The following PECR variants were observed in gnomAD, a reference collection of about 807,000 sequenced individuals.
The protein encoded by PECR is peroxisomal trans-2-enoyl-CoA reductase, also known as 2,4-dienoyl-CoA reductase-related protein.
Under a neutral mutation model 35.3 loss-of-function variants are expected in PECR, and 30 were observed. The ratio of observed to expected loss-of-function variants is 0.85; its 90% CI spans 0.64 to 1.15. The LOEUF (loss-of-function observed/expected upper bound fraction) is 1.15. PECR is among the 50% of genes most tolerant of loss of function. The pLI is 0.00. For missense variants in PECR, 392 were observed against 370.8 expected (o/e 1.06, Z -0.47); for synonymous variants, 148 against 138.9 (o/e 1.07, Z -0.46).
At chr2:216,035,632 G>A (rs941336410), downstream of PECR, among the ~76,000 whole-genome samples, 1 of 151,912 alleles carries the variant, frequency 6.6e-6, no homozygotes, top group Non-Finnish European at 1.5e-5. Context: ...GACTACAGAC[G>A]CCCGCCACCA....
At chr2:216,067,208 A>T (rs1695483771) in intron 1 of PECR, among the ~76,000 whole-genome samples, 1 of 152,148 alleles carries the variant, frequency 6.6e-6, no homozygotes, top group Non-Finnish European at 1.5e-5. Context: ...GGGAGAAAAG[A>T]TATACAGAGA....
chr2:216,074,044 C>T (rs973857792), intron 1 of PECR, among the ~76,000 whole-genome samples: 1 of 152,226 alleles, frequency 6.6e-6, no homozygotes, highest in African/African-American at 2.4e-5. Context: ...CAGGACAAGC[C>T]ACCACTTCCT....
In PECR at chr2:216,039,265, T is replaced by A. The variant is rs571748899; in HGVS notation, c.*10A>T. The A allele has an allele frequency of 2.0e-6, 3 of 1,511,494 alleles. No homozygotes were observed. The African/African-American group carries it at 4.1e-5, about 21-fold the overall frequency. The allele number at this position is 1,511,494 out of a possible 1,614,324, so 93.6% of individuals were successfully genotyped here. On this transcript the variant is annotated 3_prime_UTR_variant, in exon 8 of 8. Transcript: ENST00000265322. ...GCACTGGGGGATGGAGGACACCTTG[T>A]TTCCTCAGCTCAGAGCTTAGCTTTC... is the stretch of plus-strand genomic sequence containing the variant.
At chr2:216,041,280 C>T (rs963779318) in intron 7 of PECR, among the ~76,000 whole-genome samples, 1 of 152,138 alleles carries the variant, frequency 6.6e-6, no homozygotes, top group East Asian at 1.9e-4. Context: ...ACAGTGCAAC[C>T]TGCGATAAGA....
At chr2:216,075,296 A>C (rs1695676231) in intron 1 of PECR, among the ~76,000 whole-genome samples, 1 of 152,154 alleles carries the variant, frequency 6.6e-6, no homozygotes, top group African/African-American at 2.4e-5. Flanking sequence ...AAGAAAAAAC[A>C]AGATATTTAA....
chr2:216,050,827 G>A (rs372283652), intron 5 of PECR: 4 of 151,536 alleles, frequency 2.6e-5, no homozygotes, highest in African/African-American at 9.7e-5. Context: ...CTTGAACCCA[G>A]GAGGCAGAGG....
At chr2:216,081,531 A>C in intron 1 of PECR, 87 bp downstream of exon 1, 1 of 1,542,912 alleles carries the variant, frequency 6.5e-7, no homozygotes, top group Non-Finnish European at 9.0e-7. Context: ...ACACTCCCTC[A>C]GCCCCGCCGA....
At chr2:216,070,268 TGTATC>T (rs1170583516) in intron 1 of PECR, among the ~76,000 whole-genome samples, 5 of 152,264 alleles carry the variant, frequency 3.3e-5, no homozygotes, top group African/African-American at 9.6e-5. Flanking sequence ...ATCAGGCTAA[TGTATC>T]TATCACCTCT....
Position 216,065,363 on chromosome 2 carries a change from G to A in PECR, c.373C>T (p.His125Tyr). ...GTCAGGTTGGTCTCAAGCACAGCGT[G>A]CCATCCCTTAGAACTGATGTGTTCA... ...PAEHISSKGW[H>Y]AVLETNLTGT... The change falls in exon 3 of 8, where the codon CAC becomes TAC. Residue 125 changes from histidine to tyrosine, a missense_variant. Physicochemically the swap from His to Tyr is moderately conservative, Grantham distance 83. Transcript: ENST00000265322. 1.2e-6 allele frequency: 2 copies of A among 1,611,110 alleles called. No homozygotes were observed. The highest frequency in any genetic ancestry group is 1.7e-6 in the Non-Finnish European group (2 of 1,177,206).
At chr2:216,053,975 G>T (rs564174486) in intron 4 of PECR, among the ~76,000 whole-genome samples, 2 of 152,058 alleles carry the variant, frequency 1.3e-5, no homozygotes, top group African/African-American at 4.8e-5. Flanking sequence ...ATGACCTTTA[G>T]ACTCTTATGA....
At chr2:216,042,511 C>A (rs1054351749) in intron 7 of PECR, among the ~76,000 whole-genome samples, 1 of 152,168 alleles carries the variant, frequency 6.6e-6, no homozygotes, top group Non-Finnish European at 1.5e-5. Context: ...TTATCTTTAA[C>A]AACAGAAATT....
intron 4 of PECR, among the ~76,000 whole-genome samples, chr2:216,056,870 G>C (rs1263026558): frequency 6.6e-6 from 1 of 151,938 alleles, no homozygotes; most frequent in African/African-American, 2.4e-5. Context: ...CTTACTATGA[G>C]TCATGGTCCA....
At position 216,058,182 on chromosome 2, in the gene PECR, T is replaced by A. The variant is rs143835764; in HGVS notation, c.506+713A>T. 5.8e-3 allele frequency among the ~76,000 whole-genome samples: 884 copies of A among 152,234 alleles called. 15 individuals are homozygous for A. The highest frequency in any genetic ancestry group is 0.02 in the African/African-American group (838 of 41,490). ...AGAGTTTCTCTTGCAGCAGATCTGG[T>A]GTGGGGCTGGATAATTTGCTGTGCT... is the stretch of plus-strand genomic sequence containing the variant. On this transcript the variant is annotated intron_variant, in intron 4 of 7. Transcript: ENST00000265322.
In PECR at chr2:216,049,372, C is replaced by A. The variant is rs141598677; in HGVS notation, c.605G>T (p.Gly202Val). The A allele has an allele frequency of 2.2e-6, 3 of 1,366,516 alleles. No homozygotes were observed. Among genetic ancestry groups the A allele is most frequent in the Non-Finnish European group, 3.1e-6 (3 of 954,530 alleles). 84.6% of individuals were successfully genotyped at this position (1,366,516 alleles called of 1,614,324 possible). A position where few individuals can be genotyped will look rare whatever the true frequency, so the allele number is the denominator to read the frequency against. The change falls in exon 6 of 8, where the codon GGA becomes GTA. Residue 202 changes from glycine to valine, a missense_variant and splice_region_variant. Coordinates refer to ENST00000265322, the MANE Select transcript of PECR (RefSeq NM_018441.6). Reference protein sequence around the residue: ...SGIRINCVAPGVIYSQTAVEN... With the variant: ...SGIRINCVAPVVIYSQTAVEN... ...CACAGCAGTCTGGGAATAAATAACT[C>A]CCTGTGTTTAAAAATAAAACAGGGA...
At chr2:216,073,048 C>T (rs1409273344) in intron 1 of PECR, among the ~76,000 whole-genome samples, 1 of 152,174 alleles carries the variant, frequency 6.6e-6, no homozygotes, top group Non-Finnish European at 1.5e-5. Context: ...TGGAAATTCT[C>T]GTGTGCAATC....
intron 6 of PECR, among the ~76,000 whole-genome samples, 184 bp from the exon 7 acceptor site, chr2:216,044,199 C>A (rs186297072): frequency 6.6e-6 from 1 of 152,192 alleles, no homozygotes; most frequent in Non-Finnish European, 1.5e-5. Context: ...TCCCTTTCTA[C>A]CTGAGCATCA....
At chr2:216,054,257 A>G (rs1695179924) in intron 4 of PECR, among the ~76,000 whole-genome samples, 1 of 151,508 alleles carries the variant, frequency 6.6e-6, no homozygotes. Context: ...ATTGCACTCC[A>G]ACTTGGGCAA....
chr2:216,031,643 G>GAA, intron 7 of PECR, among the ~76,000 whole-genome samples: 4 of 80,486 alleles, frequency 5.0e-5, no homozygotes, highest in Non-Finnish European at 2.7e-5. Context: ...AAGGAAGGAA[G>GAA]AAGAAAAGAA....
chr2:216,040,556 T>C (rs1285358525), intron 7 of PECR, among the ~76,000 whole-genome samples: 1 of 152,106 alleles, frequency 6.6e-6, no homozygotes, highest in African/African-American at 2.4e-5. Flanking sequence ...GCCCAGCCCC[T>C]GACATAGGGA....
Sources: gnomAD v4.1 joint callset for allele counts (sites outside exome capture counted in the v4.1 genomes callset) on GRCh38, gnomAD v4.1.1 for gene constraint, MANE v1.5 for transcripts, NCBI Gene and HGNC (gene_info 2026-07-23, HGNC 2026-07-21) for gene names.